AATK: variants seen among roughly 807,000 people sequenced by gnomAD.
AATK encodes the protein lemur tail kinase 1.
AATK carries 91 observed loss-of-function variants against 114.3 expected under a neutral mutation model. That is an observed-to-expected ratio of 0.80 (90% CI 0.67 to 0.95). AATK has a LOEUF of 0.95. Ranked by LOEUF, AATK falls within the 40% of genes least tolerant of loss-of-function variation. The pLI is 0.00. For missense variants in AATK, 2,176 were observed against 1,965.2 expected, an observed-to-expected ratio of 1.11 and a Z score of -2.03; for synonymous variants, 1,075 against 916.5, an observed-to-expected ratio of 1.17 and a Z score of -3.12.
intron 1 of AATK, among the ~76,000 whole-genome samples, chr17:81,158,430 C>T (rs1409361770): frequency 6.6e-6 from 1 of 152,214 alleles, no homozygotes; most frequent in Non-Finnish European, 1.5e-5. Flanking sequence ...GGAAGGAAAG[C>T]GGGGCGTGTG....
intron 1 of AATK, among the ~76,000 whole-genome samples, chr17:81,141,917 CTCCTTCCTTCCTTCCTTCCT>C (rs72007585): frequency 5.3e-5 from 7 of 132,338 alleles, no homozygotes; most frequent in Middle Eastern, 4.0e-3. Flanking sequence ...CTTTCTCCCT[CTCCTTCCTTCCTTCCTTCCT>C]TCCTTCCTTC....
Position 81,127,664 on chromosome 17 carries a change from C to T in AATK, c.540G>A (p.Leu180=), listed in dbSNP as rs2060863322. 6.3e-7 allele frequency: 1 copy of T among 1,585,844 alleles called. No individual in the cohort carries two copies. Among genetic ancestry groups the T allele is most frequent in the Admixed American group, 1.8e-5 (1 of 55,942 alleles). ...GGCACTGGAGCAGGTTGCTGTGCTT[C>T]AGGGCCCTGCGGGAGTGGACAGGCG... ...FLEEVQPYRA[L]KHSNLLQCLA... The change falls in exon 6 of 14, where the codon CTG becomes CTA. Residue 180 remains leucine, a synonymous_variant. Coordinates refer to ENST00000326724, the MANE Select transcript of AATK (RefSeq NM_001080395.3).
chr17:81,118,900 G>C (rs578029087), intron 13 of AATK, among the ~76,000 whole-genome samples: 1 of 152,228 alleles, frequency 6.6e-6, no homozygotes, highest in Non-Finnish European at 1.5e-5. Context: ...AGGCTGTAGG[G>C]GTAGGGACAC....
chr17:81,162,745 A>AC (rs1220906145), intron 1 of AATK, among the ~76,000 whole-genome samples: 3 of 151,714 alleles, frequency 2.0e-5, no homozygotes, highest in Admixed American at 6.6e-5. Flanking sequence ...TCTCCCAGGA[A>AC]CCCCCCATGG....
chr17:81,123,701 G>A (rs551689438), intron 9 of AATK, among the ~76,000 whole-genome samples: 1 of 149,152 alleles, frequency 6.7e-6, no homozygotes, highest in East Asian at 2.1e-4. Flanking sequence ...CCAAAGCGGA[G>A]TAGGGCCCGC....
At chr17:81,165,859 G>A in intron 1 of AATK, 79 bp downstream of exon 1, 2 of 1,533,440 alleles carry the variant, frequency 1.3e-6, no homozygotes, top group African/African-American at 1.4e-5. Flanking sequence ...CATGCAAACC[G>A]GGAGCCGTGG....
chr17:81,152,710 G>A (rs915653680), intron 1 of AATK, among the ~76,000 whole-genome samples: 3 of 152,168 alleles, frequency 2.0e-5, no homozygotes, highest in African/African-American at 4.8e-5. Context: ...CACACTCGGC[G>A]GTGAGCTGAG....
At position 81,122,101 on chromosome 17, in the gene AATK, G is replaced by A. The variant is rs766806327; in HGVS notation, c.1835C>T (p.Pro612Leu). The stretch of plus-strand genomic sequence containing the variant: ...CGCCAGACTCAGGGGCCCCGCCGAG[G>A]GCGAGGGAGAGCGTGAGGGGCAGAG... ...DPLCPSRSPS[P>L]SAGPLSLAEG... The change falls in exon 11 of 14, where the codon CCC becomes CTC. Residue 612 changes from proline (P) to leucine (L), a missense_variant. Pro to Leu is a moderately conservative substitution (Grantham distance 98, BLOSUM62 -3). Around this residue, in one of 4 missense-constraint regions of AATK, gnomAD observed 1,701 missense variants for 1,394.7 expected, o/e 1.22. Transcript: ENST00000326724. 4 of 1,572,054 alleles carry A rather than the reference G, an allele frequency of 2.5e-6. No homozygotes were observed. Among genetic ancestry groups the A allele is most frequent in the Non-Finnish European group, 3.4e-6 (4 of 1,164,792 alleles).
intron 13 of AATK, 129 bp downstream of exon 13, chr17:81,119,251 C>A: frequency 2.2e-6 from 2 of 903,472 alleles, no homozygotes; most frequent in Non-Finnish European, 3.0e-6. Context: ...GGAGCGGGGC[C>A]GGGAAGGAGC....
At chr17:81,139,758 T>C (rs2061095271) in intron 1 of AATK, among the ~76,000 whole-genome samples, 1 of 152,164 alleles carries the variant, frequency 6.6e-6, no homozygotes, top group South Asian at 2.1e-4. Flanking sequence ...CTGGCCATGG[T>C]GAGAATGGGG....
At position 81,118,444 on chromosome 17, in the gene AATK, T is replaced by A; in HGVS notation, c.4085-2A>T. 6.2e-7 allele frequency: 1 copy of A among 1,606,382 alleles called. No homozygotes were observed. The highest frequency in any genetic ancestry group is 8.5e-7 in the Non-Finnish European group (1 of 1,177,298). On this transcript the variant is annotated splice_acceptor_variant, in intron 13 of 13. Transcript: ENST00000326724. LOFTEE classifies it high-confidence loss of function. Reference sequence around the variant, plus strand: ...CACCCCCGGCACCAGCTTCAGGTCCTGGCAAGCAGGACAACAAAGTGAACA... The same window carrying A: ...CACCCCCGGCACCAGCTTCAGGTCCAGGCAAGCAGGACAACAAAGTGAACA...
chr17:81,145,621 T>TA (rs988114662), intron 1 of AATK, among the ~76,000 whole-genome samples: 21 of 150,986 alleles, frequency 1.4e-4, no homozygotes, highest in Middle Eastern at 3.5e-3. Context: ...TAATCCTAGC[T>TA]ACTCGGGAGG....
chr17:81,122,186 C>T lies in AATK; in HGVS notation c.1750G>A (p.Val584Ile), dbSNP rs1465709672. The change falls in exon 11 of 14, where the codon GTC becomes ATC. Residue 584 changes from valine (V) to isoleucine (I), a missense_variant. Val to Ile is a conservative substitution (Grantham distance 29). This residue lies in a region of AATK where 1,701 missense variants were observed against 1,394.7 expected (regional missense o/e 1.22). Transcript: ENST00000326724. The part of the protein sequence containing the change: ...MEPLLGHGPP[V>I]DVPWGRGDHY... ...TCGCCGCGGCCCCAGGGGACGTCGA[C>T]GGGTGGCCCGTGGCCCAGCAGCGGC... is the stretch of plus-strand genomic sequence containing the variant. 4 of 1,507,638 alleles carry T rather than the reference C, an allele frequency of 2.7e-6. No homozygotes were observed. Among genetic ancestry groups the T allele is most frequent in the South Asian group, 1.2e-5 (1 of 81,584 alleles). The allele number at this position is 1,507,638 out of a possible 1,614,324, so 93.4% of individuals were successfully genotyped here.
intron 1 of AATK, among the ~76,000 whole-genome samples, chr17:81,138,372 G>GAC (rs759195611): frequency 9.7e-6 from 1 of 102,616 alleles, no homozygotes; most frequent in African/African-American, 3.9e-5. Flanking sequence ...CACTCCCATG[G>GAC]ACACACGGGC....
At chr17:81,161,631 T>A (rs928814269) in intron 1 of AATK, among the ~76,000 whole-genome samples, 4 of 152,104 alleles carry the variant, frequency 2.6e-5, no homozygotes, top group African/African-American at 9.7e-5. Context: ...GCCCCCGGGT[T>A]CTCTCAGGAA....
chr17:81,119,719 A>C, intron 12 of AATK, 139 bp from the exon 13 acceptor site: 2 of 956,946 alleles, frequency 2.1e-6, no homozygotes, highest in African/African-American at 2.4e-5. Context: ...TCACGGGCCC[A>C]GGCCCCGCCT....
chr17:81,133,053 G>C (rs2060958649), intron 2 of AATK: 1 of 323,602 alleles, frequency 3.1e-6, no homozygotes, highest in South Asian at 2.2e-5. Context: ...GAAGGCGCCT[G>C]CGCGGCCTGG....
chr17:81,121,364 T>A lies in AATK; in HGVS notation c.2572A>T (p.Ser858Cys). The A allele has an allele frequency of 6.2e-7, 1 of 1,611,878 alleles. No homozygotes were observed. ...GCCTCGGCCGTGTCCTCATCCTCACTGCTGGGTGCCTCCACCTCGGGAGAG... is the reference window on the plus strand; with the variant it reads ...GCCTCGGCCGTGTCCTCATCCTCACAGCTGGGTGCCTCCACCTCGGGAGAG... ...SSSPEVEAPS[S>C]EDEDTAEATS... The change falls in exon 11 of 14, where the codon AGT becomes TGT. Residue 858 changes from serine to cysteine, a missense_variant. Around this residue, in one of 4 missense-constraint regions of AATK, gnomAD observed 1,701 missense variants for 1,394.7 expected, o/e 1.22. Transcript: ENST00000326724.
rs757686596 is a variant in AATK at position 81,121,632 on chromosome 17, T to C, written c.2304A>G (p.Thr768=). 1.3e-6 allele frequency: 2 copies of C among 1,493,058 alleles called. No homozygotes were observed. The highest frequency in any genetic ancestry group is 2.7e-5 in the South Asian group (2 of 73,896). 92.5% of individuals were successfully genotyped at this position (1,493,058 alleles called of 1,614,324 possible). ...PCLVTPSWTE[T]ASSGGDHPQA... is the part of the protein sequence containing the mutation. ...GCGGGTGGTCACCCCCACTACTGGC[T>C]GTCTCTGTCCAGGAGGGTGTAACCA... is the stretch of plus-strand genomic sequence containing the variant. Residue 768 remains threonine, a synonymous_variant, in exon 11 of 14, where the codon ACA becomes ACG. Transcript: ENST00000326724.
Sources: allele counts gnomAD v4.1 joint callset (sites outside exome capture counted in the v4.1 genomes callset), GRCh38; gene constraint gnomAD v4.1.1; regional missense constraint gnomAD v4.1.1; transcripts MANE v1.5; gene names NCBI Gene and HGNC (gene_info 2026-07-23, HGNC 2026-07-21).